Variants in RAB3C observed in about 807,000 individuals in gnomAD.
RAB3C encodes the protein ras-related protein Rab-3C.
A neutral mutation model predicts 26.4 loss-of-function variants in RAB3C; 17 were observed. The ratio of observed to expected loss-of-function variants is 0.64; its 90% confidence interval spans 0.44 to 0.97. RAB3C has a LOEUF of 0.97. RAB3C is among the 50% of genes least tolerant of loss of function. RAB3C has a pLI of 0.00. For synonymous variants in RAB3C, 91 were observed against 95.9 expected (o/e 0.95, Z 0.30); for missense variants, 242 against 281.9 (o/e 0.86, Z 1.01).
At chr5:58,616,681 T>G (rs292972) in intron 1 of RAB3C, among the ~76,000 whole-genome samples, 35,263 of 152,098 alleles carry the variant, frequency 0.23, 4,247 homozygotes, top group Admixed American at 0.31. Flanking sequence ...AGTTAGATAT[T>G]ATATTTTCCC....
chr5:58,750,970 G>A (rs1026321763), intron 3 of RAB3C, among the ~76,000 whole-genome samples: 8 of 151,782 alleles, frequency 5.3e-5, no homozygotes, highest in African/African-American at 1.5e-4. Flanking sequence ...TTCTCATGCC[G>A]CAGCCTCCAG....
chr5:58,734,781 T>G (rs758789819), intron 3 of RAB3C, among the ~76,000 whole-genome samples: 94 of 152,216 alleles, frequency 6.2e-4, no homozygotes, highest in Non-Finnish European at 1.0e-3. Flanking sequence ...AATACTGTTA[T>G]ATCTTGGGTC....
rs140464041 is a variant in RAB3C at position 58,766,415 on chromosome 5, C to T, written c.371+40295C>T. Among the ~76,000 whole-genome samples the T allele has an allele frequency of 7.2e-5, 11 of 152,214 alleles. No individual in the cohort carries two copies. The East Asian group carries it at 1.5e-3, about 21-fold the overall frequency. On this transcript the variant is annotated intron_variant, in intron 3 of 4. Coordinates refer to ENST00000282878, the MANE Select transcript of RAB3C (RefSeq NM_138453.4). ...ACAGGCATGAGCCACCGCACCTAGC[C>T]GAGTAGTTCTTTGTAGCAATGTGAG... is the stretch of plus-strand genomic sequence containing the variant.
chr5:58,660,400 C>G (rs1308794231), intron 2 of RAB3C, among the ~76,000 whole-genome samples: 1 of 150,152 alleles, frequency 6.7e-6, no homozygotes, highest in East Asian at 1.9e-4. Context: ...TTCCCATTCA[C>G]TCCCACCCCA....
At chr5:58,782,079 G>A (rs1332990306) in intron 3 of RAB3C, among the ~76,000 whole-genome samples, 1 of 152,090 alleles carries the variant, frequency 6.6e-6, no homozygotes, top group African/African-American at 2.4e-5. Flanking sequence ...TGTTTTACGT[G>A]TATTTGCATC....
intron 2 of RAB3C, among the ~76,000 whole-genome samples, chr5:58,639,876 T>C (rs1170222809): frequency 1.3e-5 from 2 of 152,230 alleles, no homozygotes; most frequent in African/African-American, 4.8e-5. Context: ...ATCATGTTTT[T>C]TCAAAGATCT....
chr5:58,732,708 A>T (rs1741052864), intron 3 of RAB3C, among the ~76,000 whole-genome samples: 1 of 152,144 alleles, frequency 6.6e-6, no homozygotes, highest in Non-Finnish European at 1.5e-5. Context: ...TATGCCTTTG[A>T]TAGGAGCTGG....
intron 2 of RAB3C, among the ~76,000 whole-genome samples, chr5:58,699,589 A>C (rs1264190114): frequency 6.6e-6 from 1 of 152,180 alleles, no homozygotes; most frequent in Non-Finnish European, 1.5e-5. Context: ...GTCTGGAGGC[A>C]GTAGGCCTTG....
chr5:58,677,976 T>TTGTGTGTGTGTG (rs70973149), intron 2 of RAB3C, among the ~76,000 whole-genome samples: 7,694 of 147,802 alleles, frequency 0.052, 233 homozygotes, highest in East Asian at 0.11. Context: ...CTAGATTATT[T>TTGTGTGTGTGTG]TGTGTGTGTG....
At chr5:58,647,944 A>ATTT (rs1272492729) in intron 2 of RAB3C, among the ~76,000 whole-genome samples, 1 of 152,214 alleles carries the variant, frequency 6.6e-6, no homozygotes, top group Non-Finnish European at 1.5e-5. Context: ...TGTTTTGAAG[A>ATTT]TGGAAAACAG....
intron 3 of RAB3C, among the ~76,000 whole-genome samples, chr5:58,756,333 ATAACATATATATGT>A (rs1741657074): frequency 7.2e-6 from 1 of 139,696 alleles, no homozygotes; most frequent in African/African-American, 2.9e-5. Flanking sequence ...ATATATATAT[ATAACATATATATGT>A]TATATATATA....
At chr5:58,675,938 A>G (rs1189632626) in intron 2 of RAB3C, among the ~76,000 whole-genome samples, 2 of 149,990 alleles carry the variant, frequency 1.3e-5, no homozygotes, top group Non-Finnish European at 3.0e-5. Flanking sequence ...CAGCTGGCCC[A>G]CCAAATTCCT....
intron 2 of RAB3C, among the ~76,000 whole-genome samples, chr5:58,668,758 TAG>T (rs1748051407): frequency 6.6e-6 from 1 of 152,066 alleles, no homozygotes; most frequent in Non-Finnish European, 1.5e-5. Context: ...AAGCCAAAAA[TAG>T]AGTTAGGGGC....
intron 2 of RAB3C, among the ~76,000 whole-genome samples, chr5:58,675,373 G>A (rs1016879092): frequency 6.6e-6 from 1 of 151,970 alleles, no homozygotes; most frequent in Non-Finnish European, 1.5e-5. Context: ...ATGTCTGCAA[G>A]GCTTTTGAAG....
rs199883356 is a variant in RAB3C at position 58,792,695 on chromosome 5, C to T, written c.372-32343C>T. Among the ~76,000 whole-genome samples, 8 of 151,946 alleles carry T rather than the reference C, an allele frequency of 5.3e-5. No homozygotes were observed. In the East Asian group the frequency reaches 1.5e-3, roughly 29 times the overall value. Reference sequence around the variant, plus strand: ...TTCCTATAGATGGCCAAGCTATTTTCGTTAATAATTGTGATGTGGAATGAA... The same window carrying T: ...TTCCTATAGATGGCCAAGCTATTTTTGTTAATAATTGTGATGTGGAATGAA... On this transcript the variant is annotated intron_variant, in intron 3 of 4. Transcript: ENST00000282878.
intron 3 of RAB3C, among the ~76,000 whole-genome samples, chr5:58,784,938 A>G (rs992620792): frequency 1.2e-4 from 19 of 152,236 alleles, no homozygotes; most frequent in African/African-American, 3.9e-4. Context: ...CCCACAGGAA[A>G]GCAGTGGAGA....
intron 1 of RAB3C, among the ~76,000 whole-genome samples, chr5:58,606,346 G>C (rs1486211354): frequency 2.0e-5 from 3 of 152,158 alleles, no homozygotes. Flanking sequence ...GATGGGGGAG[G>C]GGCATCCACC....
At chr5:58,835,539 T>C (rs1022957052) in intron 4 of RAB3C, among the ~76,000 whole-genome samples, 9 of 152,236 alleles carry the variant, frequency 5.9e-5, no homozygotes, top group Non-Finnish European at 1.0e-4. Flanking sequence ...CAAAATTGTC[T>C]AGCCCTCATT....
chr5:58,756,363 C>CAT (rs1239139526), intron 3 of RAB3C, among the ~76,000 whole-genome samples: 32 of 128,672 alleles, frequency 2.5e-4, no homozygotes, highest in Admixed American at 1.5e-3. Context: ...ATATATATAA[C>CAT]ATATATATAT....
Sources: gnomAD v4.1 joint callset for allele counts (sites outside exome capture counted in the v4.1 genomes callset) on GRCh38, gnomAD v4.1.1 for gene constraint, MANE v1.5 for transcripts, NCBI Gene and HGNC (gene_info 2026-07-23, HGNC 2026-07-21) for gene names.